The following DYSF variants were observed in gnomAD, a reference collection of about 807,000 sequenced individuals.
DYSF encodes the protein dystrophy-associated fer-1-like 1.
DYSF carries 212 observed loss-of-function variants against 274.9 expected under a neutral mutation model. That is an observed-to-expected ratio of 0.77 (90% CI 0.69 to 0.86). DYSF has a LOEUF of 0.86. Among genes scored for constraint, DYSF ranks in the 40% least tolerant of loss-of-function variants. The pLI is 0.00. For synonymous variants in DYSF, 1,091 were observed against 1,078.7 expected, an observed-to-expected ratio of 1.01 and a Z score of -0.22; for missense variants, 2,666 against 2,783.2, an observed-to-expected ratio of 0.96 and a Z score of 0.95.
At chr2:71,602,458 C>T (rs1449884846) in intron 35 of DYSF, among the ~76,000 whole-genome samples, 1 of 152,212 alleles carries the variant, frequency 6.6e-6, no homozygotes, top group Non-Finnish European at 1.5e-5. Flanking sequence ...TTCCCATCAC[C>T]TGCTGCTCTT....
chr2:71,553,063 C>G lies in DYSF; in HGVS notation c.1859C>G (p.Thr620Ser). 1 of 1,614,198 alleles carries G rather than the reference C, an allele frequency of 6.2e-7. No homozygotes were observed. Among genetic ancestry groups the G allele is most frequent in the Non-Finnish European group, 8.5e-7 (1 of 1,180,040 alleles). ...YSLFAAFYSA[T>S]MLQDVDDAIQ... ...CTGTTTGCGGCCTTCTACTCAGCCA[C>G]CATGCTGCAGGATGTGGATGATGCC... is the stretch of plus-strand genomic sequence containing the variant. The change falls in exon 20 of 56, where the codon ACC becomes AGC. Residue 620 changes from threonine (T) to serine (S), a missense_variant. Thr to Ser is a moderately conservative substitution (Grantham distance 58, BLOSUM62 1). Around this residue, in one of 3 missense-constraint regions of DYSF, gnomAD observed 412 missense variants for 504.0 expected, o/e 0.82. Coordinates refer to ENST00000410020, the MANE Select transcript of DYSF (RefSeq NM_001130987.2).
chr2:71,476,278 G>A (rs183274082), intron 1 of DYSF, among the ~76,000 whole-genome samples: 5 of 152,256 alleles, frequency 3.3e-5, no homozygotes, highest in African/African-American at 1.2e-4. Flanking sequence ...CAGGCTGGGT[G>A]TGGTGGCTCA....
intron 51 of DYSF, among the ~76,000 whole-genome samples, chr2:71,672,137 C>T (rs1558794112): frequency 6.7e-6 from 1 of 149,530 alleles, no homozygotes; most frequent in Admixed American, 6.7e-5. Flanking sequence ...ACAGAGGCCA[C>T]GTGGCTCTGA....
In DYSF at chr2:71,669,478, T is replaced by C. The variant is rs1240511095; in HGVS notation, c.5643-127T>C. ...TGGCACATTTTGTACATCGTGCCGA[T>C]TTCCTGGGAATTCTTTTTGCGATAA... is the stretch of plus-strand genomic sequence containing the variant. On this transcript the variant is annotated intron_variant, in intron 50 of 55. Transcript: ENST00000410020. 2.4e-6 allele frequency: 3 copies of C among 1,248,880 alleles called. No individual in the cohort carries two copies. The East Asian group carries it at 7.3e-5, about 30-fold the overall frequency. 77.4% of individuals were successfully genotyped at this position (1,248,880 alleles called of 1,614,324 possible).
intron 34 of DYSF, 59 bp downstream of exon 34, chr2:71,600,901 C>T (rs749726569): frequency 1.3e-6 from 2 of 1,599,096 alleles, no homozygotes; most frequent in Non-Finnish European, 1.7e-6. Flanking sequence ...TGGGGGCCAA[C>T]CCTCTGTGGG....
At chr2:71,520,767 C>T (rs1379334868) in intron 11 of DYSF, 22 bp from the exon 12 acceptor site, 3 of 1,608,924 alleles carry the variant, frequency 1.9e-6, no homozygotes, top group Non-Finnish European at 2.6e-6. Flanking sequence ...CTGGGATCAC[C>T]AGAGGATGTT....
chr2:71,605,891 C>T (rs2093637690), intron 36 of DYSF, among the ~76,000 whole-genome samples: 1 of 152,004 alleles, frequency 6.6e-6, no homozygotes. Flanking sequence ...ACATATTGTT[C>T]CTAACGAGCT....
At chr2:71,645,800 C>A (rs2094559049) in intron 42 of DYSF, among the ~76,000 whole-genome samples, 1 of 152,118 alleles carries the variant, frequency 6.6e-6, no homozygotes, top group Admixed American at 6.5e-5. Context: ...AACACTACTT[C>A]TGGATTATAA....
At chr2:71,672,299 G>A (rs1316366420) in intron 51 of DYSF, among the ~76,000 whole-genome samples, 2 of 151,468 alleles carry the variant, frequency 1.3e-5, no homozygotes, top group Non-Finnish European at 2.9e-5. Flanking sequence ...CCAGTTAGCT[G>A]GGTTGGGCTG....
At chr2:71,632,618 G>C (rs969257893) in intron 41 of DYSF, among the ~76,000 whole-genome samples, 2 of 152,196 alleles carry the variant, frequency 1.3e-5, no homozygotes, top group African/African-American at 2.4e-5. Context: ...TATTGGAATT[G>C]TCACAGATTC....
chr2:71,467,017 G>A, intron 1 of DYSF, 84 bp downstream of exon 1: 1 of 1,510,460 alleles, frequency 6.6e-7, no homozygotes, highest in Non-Finnish European at 8.9e-7. Context: ...CCCCTGCTCC[G>A]GAGCTAACCC....
At chr2:71,472,170 G>A (rs770925879) in intron 1 of DYSF, among the ~76,000 whole-genome samples, 2 of 152,176 alleles carry the variant, frequency 1.3e-5, no homozygotes, top group Non-Finnish European at 2.9e-5. Flanking sequence ...TACAGTCACT[G>A]TGAGGCATAT....
At position 71,598,726 on chromosome 2, in the gene DYSF, T is replaced by G; in HGVS notation, c.3737T>G (p.Leu1246Arg). Residue 1246 changes from leucine to arginine, a missense_variant, in exon 33 of 56, where the codon CTG (leucine) becomes CGG (arginine). By Grantham distance (102) the Leu-to-Arg change is moderately radical. This residue lies in a region of DYSF where 1,460 missense variants were observed against 1,502.1 expected (regional missense o/e 0.97). Coordinates refer to ENST00000410020, the MANE Select transcript of DYSF (RefSeq NM_001130987.2). The stretch of plus-strand genomic sequence containing the variant: ...CAACCGCCCAGCATTGTGGTGGAGC[T>G]GTACGACCATGACACTTATGTGAGT... ...AEQPPSIVVE[L>R]YDHDTYGADE... 1 of 1,613,056 alleles carries G rather than the reference T, an allele frequency of 6.2e-7. No homozygotes were observed. Among genetic ancestry groups the G allele is most frequent in the East Asian group, 2.2e-5 (1 of 44,884 alleles).
intron 3 of DYSF, among the ~76,000 whole-genome samples, chr2:71,501,275 C>T (rs1052606975): frequency 2.6e-5 from 4 of 152,086 alleles, no homozygotes; most frequent in South Asian, 2.1e-4. Flanking sequence ...GGACCTTGAG[C>T]GTATATTACA....
chr2:71,682,620 C>T lies in DYSF; in HGVS notation c.6264C>T (p.Leu2088=), dbSNP rs539234900. The change falls in exon 55 of 56, where the codon CTC becomes CTT. Residue 2088 remains leucine (L), a synonymous_variant. Transcript: ENST00000410020. ...LWRRFRWAII[L]FIILFILLLF... ...GGCGTTTCCGGTGGGCCATCATCCT[C>T]TTCATCATCCTCTTCATCCTGCTGC... is the stretch of plus-strand genomic sequence containing the variant. The T allele has an allele frequency of 1.2e-4, 187 of 1,613,892 alleles. 1 individual carries two copies. The South Asian group carries it at 1.9e-3, about 16-fold the overall frequency.
At chr2:71,570,399 A>G in intron 28 of DYSF, 65 bp downstream of exon 28, 1 of 1,541,994 alleles carries the variant, frequency 6.5e-7, no homozygotes, top group Non-Finnish European at 9.0e-7. Context: ...GCTGGTGGGG[A>G]CGACTGAATG....
At chr2:71,593,249 C>T (rs1020817832) in intron 32 of DYSF, among the ~76,000 whole-genome samples, 2 of 150,948 alleles carry the variant, frequency 1.3e-5, no homozygotes, top group African/African-American at 4.9e-5. Context: ...TCTCCAGCCT[C>T]AGCCTCCCAA....
At chr2:71,528,232 G>A in intron 13 of DYSF, 66 bp from the exon 14 acceptor site, 1 of 1,422,746 alleles carries the variant, frequency 7.0e-7, no homozygotes, top group South Asian at 1.2e-5. Flanking sequence ...GAGACAGATG[G>A]GGGACAGTCA....
At chr2:71,618,388 G>GT (rs1553386978) in intron 40 of DYSF, among the ~76,000 whole-genome samples, 7 of 5,142 alleles carry the variant, frequency 1.4e-3, no homozygotes, top group Admixed American at 2.3e-3. Flanking sequence ...TGGTAGAGGT[G>GT]GTGTGTGTGT....
Sources: allele counts gnomAD v4.1 joint callset (sites outside exome capture counted in the v4.1 genomes callset), GRCh38; gene constraint gnomAD v4.1.1; regional missense constraint gnomAD v4.1.1; transcripts MANE v1.5; gene names NCBI Gene and HGNC (gene_info 2026-07-23, HGNC 2026-07-21).